HMCN2: variants seen among roughly 807,000 people sequenced by gnomAD.
The protein encoded by HMCN2 is hemicentin 2, also known as hemicentin-2.
A neutral mutation model predicts 377.5 loss-of-function variants in HMCN2; 325 were observed. The ratio of observed to expected loss-of-function variants is 0.86; its 90% CI spans 0.79 to 0.94. The LOEUF is 0.94. Ranked by LOEUF, HMCN2 falls within the 40% of genes least tolerant of loss-of-function variation. The probability of loss-of-function intolerance (pLI) is 0.00; values close to 1 mark genes in which losing one functional copy is unlikely to be tolerated. For missense variants in HMCN2, 4,543 were observed against 4,725.3 expected (o/e 0.96, Z 1.13); for synonymous variants, 2,007 against 2,046.8 (o/e 0.98, Z 0.53).
intron 4 of HMCN2, among the ~76,000 whole-genome samples, chr9:130,293,985 C>T (rs369961452): frequency 6.6e-6 from 1 of 151,354 alleles, no homozygotes; most frequent in Admixed American, 6.6e-5. Context: ...TGGGGGCTGC[C>T]TGCGGGAGGG....
At chr9:130,364,560 A>G (rs959748190) in intron 40 of HMCN2, among the ~76,000 whole-genome samples, 154 bp from the exon 41 acceptor site, 1 of 152,160 alleles carries the variant, frequency 6.6e-6, no homozygotes, top group Admixed American at 6.5e-5. Context: ...TGACAATTTT[A>G]CTCAGACTGG....
chr9:130,398,999 T>G (rs1434734743), intron 75 of HMCN2, among the ~76,000 whole-genome samples: 2 of 152,112 alleles, frequency 1.3e-5, no homozygotes, highest in Non-Finnish European at 2.9e-5. Flanking sequence ...ACACCTGTAG[T>G]CCCAGCACTT....
At chr9:130,384,915 G>C in intron 59 of HMCN2, 117 bp downstream of exon 59, 1 of 627,930 alleles carries the variant, frequency 1.6e-6, no homozygotes, top group Non-Finnish European at 2.5e-6. Flanking sequence ...GGGAGGCTGG[G>C]ACGCCCGCAC....
intron 22 of HMCN2, among the ~76,000 whole-genome samples, chr9:130,329,330 A>G (rs2131429075): frequency 6.6e-6 from 1 of 152,126 alleles, no homozygotes; most frequent in South Asian, 2.1e-4. Context: ...GCTTCCTTTT[A>G]ATGGCCAAAT....
In HMCN2 at chr9:130,356,319, C is replaced by A; in HGVS notation, c.5425+62C>A. The A allele has an allele frequency of 3.2e-6, 4 of 1,237,024 alleles. No homozygotes were observed. The South Asian group carries it at 5.6e-5, about 17-fold the overall frequency. 76.6% of individuals were successfully genotyped at this position (1,237,024 alleles called of 1,614,324 possible). A position where few individuals can be genotyped will look rare whatever the true frequency, so the allele number is the denominator to read the frequency against. ...CCTGAGATGCCAGGGGTGGGTGGAGCCTGGGCTGTGGCAGGCCTGGAAGGG... is the reference window on the plus strand; with the variant it reads ...CCTGAGATGCCAGGGGTGGGTGGAGACTGGGCTGTGGCAGGCCTGGAAGGG... On this transcript the variant is annotated intron_variant, in intron 34 of 97. Coordinates refer to ENST00000683500, the MANE Select transcript of HMCN2 (RefSeq NM_001291815.2).
At chr9:130,388,674 C>G in intron 62 of HMCN2, 134 bp downstream of exon 62, 4 of 165,162 alleles carry the variant, frequency 2.4e-5, no homozygotes, top group Non-Finnish European at 2.9e-5. Flanking sequence ...GCCGTGTTGC[C>G]CCCCCCCCCA....
chr9:130,331,008 A>ACACACACAC (rs1838396739), intron 22 of HMCN2, among the ~76,000 whole-genome samples: 164 of 53,692 alleles, frequency 3.1e-3, no homozygotes, highest in African/African-American at 8.2e-3. Flanking sequence ...CACACACACA[A>ACACACACAC]ATAGCCGGAC....
At position 130,347,741 on chromosome 9, in the gene HMCN2, C is replaced by T. The variant is rs1478299311; in HGVS notation, c.4024+381C>T. 6.6e-6 allele frequency among the ~76,000 whole-genome samples: 1 copy of T among 152,166 alleles called. No homozygotes were observed. Among genetic ancestry groups the T allele is most frequent in the Non-Finnish European group, 1.5e-5 (1 of 68,024 alleles). ...ATTTTAAAATGACCCCTTGGCTGGG[C>T]ATGGTGGCTTGCACCTGTAATCCTA... On this transcript the variant is annotated intron_variant, in intron 26 of 97. Coordinates refer to ENST00000683500, the MANE Select transcript of HMCN2 (RefSeq NM_001291815.2). This position sits in a 1 kb window ranked among gnomAD's most constrained non-coding sequence, Gnocchi z 5.1.
At chr9:130,431,222 C>A (rs1197369013) in intron 95 of HMCN2, 145 bp from the exon 96 acceptor site, 8 of 823,098 alleles carry the variant, frequency 9.7e-6, no homozygotes, top group Middle Eastern at 3.6e-4. Context: ...AACCCCTGAA[C>A]CTGGGCTGGG....
At position 130,357,999 on chromosome 9, in the gene HMCN2, G is replaced by A. The variant is rs1840141761; in HGVS notation, c.5580+11G>A. 7.7e-7 allele frequency: 1 copy of A among 1,298,170 alleles called. No individual in the cohort carries two copies. Among genetic ancestry groups the A allele is most frequent in the African/African-American group, 1.5e-5 (1 of 65,698 alleles). 80.4% of individuals were successfully genotyped at this position (1,298,170 alleles called of 1,614,324 possible). ...GGGGGGAACCTACAGGTATGTGCAG[G>A]GGCCCCAGGGCTGGCAAGCCAGCTG... On this transcript the variant is annotated intron_variant, in intron 35 of 97. Transcript: ENST00000683500.
At chr9:130,392,792 C>T (rs537865908) in intron 66 of HMCN2, among the ~76,000 whole-genome samples, 137 of 152,156 alleles carry the variant, frequency 9.0e-4, no homozygotes, top group East Asian at 8.3e-3. Context: ...GTCAGGAGAT[C>T]AAGACCATCC....
In HMCN2 at chr9:130,348,353, T is replaced by G; in HGVS notation, c.4025-192T>G. 15 of 748,500 alleles carry G rather than the reference T, an allele frequency of 2.0e-5. No individual in the cohort carries two copies. The South Asian group carries it at 4.9e-4, about 24-fold the overall frequency. 46.4% of individuals were successfully genotyped at this position (748,500 alleles called of 1,614,324 possible). A position where few individuals can be genotyped will look rare whatever the true frequency, so the allele number is the denominator to read the frequency against. ...ACCTGGGCCTGGGCACGACTGGGGG[T>G]GTGTGGGTCCCAGGGCAAGGCTGCT... On this transcript the variant is annotated intron_variant, in intron 26 of 97. Coordinates refer to ENST00000683500, the MANE Select transcript of HMCN2 (RefSeq NM_001291815.2).
rs1839686462 is a variant in HMCN2 at position 130,351,045 on chromosome 9, C to T, written c.4431-378C>T. On this transcript the variant is annotated intron_variant, in intron 29 of 97. Coordinates refer to ENST00000683500, the MANE Select transcript of HMCN2 (RefSeq NM_001291815.2). The surrounding 1 kb of genome is among the most constrained non-coding windows in gnomAD (Gnocchi z 5.4). ...CAGCAGCCAGTCGCTGTCCCCTTCT[C>T]CCCAGCCCCTGGCAACCACAAGCCT... Among the ~76,000 whole-genome samples the T allele has an allele frequency of 6.6e-6, 1 of 152,224 alleles. No individual in the cohort carries two copies. The highest frequency in any genetic ancestry group is 1.5e-5 in the Non-Finnish European group (1 of 68,036).
intron 13 of HMCN2, 144 bp from the exon 14 acceptor site, chr9:130,307,309 G>T: frequency 2.4e-6 from 1 of 421,166 alleles, no homozygotes. Flanking sequence ...CCGGGAGGGG[G>T]CATTGAACCT....
Position 130,429,830 on chromosome 9 carries a change from G to T in HMCN2, c.14326+145G>T, listed in dbSNP as rs920601360. The T allele has an allele frequency of 2.0e-5, 28 of 1,391,418 alleles. No individual in the cohort carries two copies. The African/African-American group carries it at 4.1e-4, about 20-fold the overall frequency. The allele number at this position is 1,391,418 out of a possible 1,614,324, so 86.2% of individuals were successfully genotyped here. On this transcript the variant is annotated intron_variant, in intron 94 of 97. Coordinates refer to ENST00000683500, the MANE Select transcript of HMCN2 (RefSeq NM_001291815.2). Reference sequence around the variant, plus strand: ...CTCAGGGGCTGAGGGTGTCTAAGGCGCCAGTGCTGTTGAGTTCTGAGAATA... The same window carrying T: ...CTCAGGGGCTGAGGGTGTCTAAGGCTCCAGTGCTGTTGAGTTCTGAGAATA...
At chr9:130,388,882 T>C (rs1034014743) in intron 62 of HMCN2, among the ~76,000 whole-genome samples, 12 of 152,328 alleles carry the variant, frequency 7.9e-5, no homozygotes, top group African/African-American at 1.2e-4. Context: ...GGGCTCAGCA[T>C]TGGCCCCCAG....
chr9:130,382,078 G>A, intron 54 of HMCN2, 106 bp from the exon 55 acceptor site: 1 of 278,654 alleles, frequency 3.6e-6, no homozygotes, highest in Non-Finnish European at 5.5e-6. Context: ...AGATGAGGCA[G>A]GGACAGTCAC....
intron 54 of HMCN2, among the ~76,000 whole-genome samples, chr9:130,380,309 G>A (rs1282788676): frequency 6.6e-6 from 1 of 152,170 alleles, no homozygotes; most frequent in Non-Finnish European, 1.5e-5. Context: ...CTCCAGGGGT[G>A]GGGCTTAGAA....
Position 130,397,554 on chromosome 9 carries a change from T to G in HMCN2, c.11225T>G (p.Leu3742Arg). Residue 3742 changes from leucine (L) to arginine (R), a missense_variant, in exon 74 of 98, where the codon CTG becomes CGG. Leu to Arg is a moderately radical substitution (Grantham distance 102). This residue lies in a region of HMCN2 where 1,073 missense variants were observed against 1,319.5 expected (regional missense o/e 0.81). Coordinates refer to ENST00000683500, the MANE Select transcript of HMCN2 (RefSeq NM_001291815.2). ...PRFEILPEGS[L>R]RIQPVLAQDA... is the part of the protein sequence containing the mutation. ...TTTGAAATTCTGCCTGAGGGTTCCC[T>G]GAGAATCCAGCCAGTCCTTGCCCAG... is the stretch of plus-strand genomic sequence containing the variant. The G allele has an allele frequency of 2.3e-6, 3 of 1,289,830 alleles. No homozygotes were observed. The highest frequency in any genetic ancestry group is 3.0e-6 in the Non-Finnish European group (3 of 988,872). 79.9% of individuals were successfully genotyped at this position (1,289,830 alleles called of 1,614,324 possible). A position where few individuals can be genotyped will look rare whatever the true frequency, so the allele number is the denominator to read the frequency against.
Sources: gnomAD v4.1 joint callset for allele counts (sites outside exome capture counted in the v4.1 genomes callset) on GRCh38, gnomAD v4.1.1 for gene constraint, gnomAD v4.1.1 regional missense constraint, Gnocchi (gnomAD v3.1) non-coding constraint, MANE v1.5 for transcripts, NCBI Gene and HGNC (gene_info 2026-07-23, HGNC 2026-07-21) for gene names.